SHOX2: variants seen among roughly 807,000 people sequenced by gnomAD.
SHOX2 encodes short stature homeobox protein 2.
SHOX2 carries 13 observed loss-of-function variants against 31.3 expected under a neutral mutation model. The ratio of observed to expected loss-of-function variants is 0.42; its 90% CI spans 0.27 to 0.66. The LOEUF (loss-of-function observed/expected upper bound fraction) is 0.66. SHOX2 is among the 30% of genes least tolerant of loss of function. The pLI is 0.27. For missense variants in SHOX2, 473 were observed against 443.0 expected (o/e 1.07, Z -0.61); for synonymous variants, 244 against 196.2 (o/e 1.24, Z -2.04).
chr3:158,106,418 AGC>A lies in SHOX2; in HGVS notation c.-396_-395del. 1 of 199,418 alleles carries A rather than the reference AGC, an allele frequency of 5.0e-6. No homozygotes were observed. The highest frequency in any genetic ancestry group is 1.0e-5 in the Non-Finnish European group (1 of 99,710). 12.4% of individuals were successfully genotyped at this position (199,418 alleles called of 1,614,324 possible). A position where few individuals can be genotyped will look rare whatever the true frequency, so the allele number is the denominator to read the frequency against. ...TTCCTGCGGAGAGTTCAGATCTGAT[AGC>A]GACGCTGCGCTTGAAGTCCCACTAT... On this transcript the variant is annotated 5_prime_UTR_variant, in exon 1 of 5. Coordinates refer to ENST00000483851, the MANE Select transcript of SHOX2 (RefSeq NM_001163678.2).
Position 158,105,905 on chromosome 3 carries a change from C to T in SHOX2, c.120G>A (p.Pro40=). The T allele has an allele frequency of 6.3e-7, 1 of 1,590,330 alleles. No individual in the cohort carries two copies. The part of the protein sequence containing the change: ...ESGPLRGAKE[P]TGCTEAGRDD... ...CGCGGCCCGCCTCGGTGCAGCCGGT[C>T]GGCTCCTTGGCCCCGCGCAGCGGCC... Residue 40 remains proline (P), a synonymous_variant, in exon 1 of 5, where the codon CCG becomes CCA. Coordinates refer to ENST00000483851, the MANE Select transcript of SHOX2 (RefSeq NM_001163678.2).
At position 158,105,873 on chromosome 3, in the gene SHOX2, C is replaced by A; in HGVS notation, c.152G>T (p.Arg51Leu). Residue 51 changes from arginine (R) to leucine (L), a missense_variant, in exon 1 of 5, where the codon CGC becomes CTC. Physicochemically the swap from Arg to Leu is moderately radical, Grantham distance 102. Around this residue, in one of 3 missense-constraint regions of SHOX2, gnomAD observed 276 missense variants for 230.0 expected, o/e 1.20. Coordinates refer to ENST00000483851, the MANE Select transcript of SHOX2 (RefSeq NM_001163678.2). ...GGCCGCCCGGACTGCCGGGCTGCTG[C>A]GGTCGTCGCGGCCCGCCTCGGTGCA... ...TGCTEAGRDD[R>L]SSPAVRAAGG... 1.3e-6 allele frequency: 2 copies of A among 1,520,296 alleles called. No individual in the cohort carries two copies. Among genetic ancestry groups the A allele is most frequent in the Non-Finnish European group, 1.8e-6 (2 of 1,139,744 alleles). The allele number at this position is 1,520,296 out of a possible 1,614,324, so 94.2% of individuals were successfully genotyped here.
chr3:158,098,111 T>C lies in SHOX2; in HGVS notation c.876A>G (p.Ala292=). The part of the protein sequence containing the change: ...ASAASVVAAA[A]AAKTTSKNSS... The stretch of plus-strand genomic sequence containing the variant: ...AGTTCTTGCTGGTGGTCTTGGCGGC[T>C]GCTGCGGCCGCCACTACCGAGGCGG... The change falls in exon 5 of 5, where the codon GCA becomes GCG. Residue 292 remains alanine (A), a synonymous_variant. Coordinates refer to ENST00000483851, the MANE Select transcript of SHOX2 (RefSeq NM_001163678.2). 2 of 1,611,908 alleles carry C rather than the reference T, an allele frequency of 1.2e-6. No individual in the cohort carries two copies. Among genetic ancestry groups the C allele is most frequent in the South Asian group, 1.1e-5 (1 of 90,976 alleles).
chr3:158,101,382 C>CT (rs1713479338), intron 2 of SHOX2, among the ~76,000 whole-genome samples: 2 of 152,124 alleles, frequency 1.3e-5, no homozygotes, highest in Admixed American at 1.3e-4. Context: ...GGCTTCTTGC[C>CT]TTTTTTTCCC....
Position 158,097,805 on chromosome 3 carries a change from C to G in SHOX2, c.*222G>C. ...AATTCTAGGCCCTCGAGTAGGAAAACGGGCAGGAGCCACGGAGCCTGCGTG... is the reference window on the plus strand; with the variant it reads ...AATTCTAGGCCCTCGAGTAGGAAAAGGGGCAGGAGCCACGGAGCCTGCGTG... On this transcript the variant is annotated 3_prime_UTR_variant, in exon 5 of 5. Coordinates refer to ENST00000483851, the MANE Select transcript of SHOX2 (RefSeq NM_001163678.2). 1.6e-6 allele frequency: 1 copy of G among 618,836 alleles called. No homozygotes were observed. Among genetic ancestry groups the G allele is most frequent in the Non-Finnish European group, 2.8e-6 (1 of 360,656 alleles). The allele number at this position is 618,836 out of a possible 1,614,324, so 38.3% of individuals were successfully genotyped here.
Position 158,098,246 on chromosome 3 carries a change from G to A in SHOX2, c.741C>T (p.His247=). The A allele has an allele frequency of 6.2e-7, 1 of 1,613,912 alleles. No individual in the cohort carries two copies. The highest frequency in any genetic ancestry group is 8.5e-7 in the Non-Finnish European group (1 of 1,179,916). ...GGTGCGGATGCAGGTGGTGGTGCGCGTGCGCCACAGCGCTGTCCAGCTGCA... is the reference window on the plus strand; with the variant it reads ...GGTGCGGATGCAGGTGGTGGTGCGCATGCGCCACAGCGCTGTCCAGCTGCA... ...AQLQLDSAVA[H]AHHHLHPHLA... is the part of the protein sequence containing the mutation. The change falls in exon 5 of 5, where the codon CAC becomes CAT. Residue 247 remains histidine, a synonymous_variant. Coordinates refer to ENST00000483851, the MANE Select transcript of SHOX2 (RefSeq NM_001163678.2).
intron 1 of SHOX2, among the ~76,000 whole-genome samples, chr3:158,104,423 G>T (rs2108130516): frequency 6.6e-6 from 1 of 152,350 alleles, no homozygotes; most frequent in East Asian, 1.9e-4. Context: ...AAATATTGCC[G>T]TATTTTCTAG....
At position 158,098,170 on chromosome 3, in the gene SHOX2, G is replaced by A. The variant is rs769454867; in HGVS notation, c.817C>T (p.Pro273Ser). 1 of 1,613,454 alleles carries A rather than the reference G, an allele frequency of 6.2e-7. No individual in the cohort carries two copies. The highest frequency in any genetic ancestry group is 2.2e-5 in the East Asian group (1 of 44,874). ...GAATCCGCGGCCAGCGTGGCGAGCGGCAGTCCGAAGGGCGGTGCTGGGAAC... is the reference window on the plus strand; with the variant it reads ...GAATCCGCGGCCAGCGTGGCGAGCGACAGTCCGAAGGGCGGTGCTGGGAAC... ...MMFPAPPFGL[P>S]LATLAADSAS... Residue 273 changes from proline (P) to serine (S), a missense_variant, in exon 5 of 5, where the codon CCG becomes TCG. Pro to Ser is a moderately conservative substitution (Grantham distance 74). This residue lies in a region of SHOX2 where 182 missense variants were observed against 167.2 expected (regional missense o/e 1.09). Transcript: ENST00000483851.
Position 158,098,185 on chromosome 3 carries a change from G to T in SHOX2, c.802C>A (p.Pro268Thr). The T allele has an allele frequency of 6.2e-7, 1 of 1,613,822 alleles. No homozygotes were observed. The highest frequency in any genetic ancestry group is 8.5e-7 in the Non-Finnish European group (1 of 1,179,872). ...AHAPYMMFPAPPFGLPLATLA... is the reference protein window; with the variant it reads ...AHAPYMMFPATPFGLPLATLA... The stretch of plus-strand genomic sequence containing the variant: ...GTGGCGAGCGGCAGTCCGAAGGGCG[G>T]TGCTGGGAACATCATGTAGGGCGCG... The change falls in exon 5 of 5, where the codon CCG becomes ACG. Residue 268 changes from proline (P) to threonine (T), a missense_variant. By Grantham distance (38) the Pro-to-Thr change is conservative. Transcript: ENST00000483851.
In SHOX2 at chr3:158,105,839, G is replaced by T. The variant is rs1448153033; in HGVS notation, c.186C>A (p.Gly62=). 1.4e-6 allele frequency: 2 copies of T among 1,432,734 alleles called. No individual in the cohort carries two copies. The highest frequency in any genetic ancestry group is 3.3e-5 in the Admixed American group (1 of 29,970). 88.8% of individuals were successfully genotyped at this position (1,432,734 alleles called of 1,614,324 possible). A position where few individuals can be genotyped will look rare whatever the true frequency, so the allele number is the denominator to read the frequency against. Residue 62 remains glycine (G), a synonymous_variant, in exon 1 of 5, where the codon GGC becomes GGA. Coordinates refer to ENST00000483851, the MANE Select transcript of SHOX2 (RefSeq NM_001163678.2). ...SSPAVRAAGG[G]GGGGGGGGGG... Reference sequence around the variant, plus strand: ...CGCCGCCTCCGCCTCCTCCGCCGCCGCCTCCGCCGGCCGCCCGGACTGCCG... The same window carrying T: ...CGCCGCCTCCGCCTCCTCCGCCGCCTCCTCCGCCGGCCGCCCGGACTGCCG...
At chr3:158,102,149 C>A (rs1713531831) in intron 2 of SHOX2, among the ~76,000 whole-genome samples, 1 of 152,232 alleles carries the variant, frequency 6.6e-6, no homozygotes, top group Non-Finnish European at 1.5e-5. Context: ...CCGCTAACAG[C>A]AGACTGTAAA....
Position 158,105,658 on chromosome 3 carries a change from G to C in SHOX2, c.346+21C>G, listed in dbSNP as rs528073381. On this transcript the variant is annotated intron_variant, in intron 1 of 4. Coordinates refer to ENST00000483851, the MANE Select transcript of SHOX2 (RefSeq NM_001163678.2). The stretch of plus-strand genomic sequence containing the variant: ...GAAGGCGGGAAGGGGAACCGCTGCC[G>C]GGGGTCAGTCAGGTCGTTACCCTCC... The C allele has an allele frequency of 6.1e-4, 919 of 1,515,122 alleles. 11 individuals carry two copies. In the East Asian group the frequency reaches 9.5e-3, roughly 16 times the overall value. 93.9% of individuals were successfully genotyped at this position (1,515,122 alleles called of 1,614,324 possible). A position where few individuals can be genotyped will look rare whatever the true frequency, so the allele number is the denominator to read the frequency against.
At chr3:158,103,219 C>G (rs929943506) in intron 1 of SHOX2, 1 of 402,446 alleles carries the variant, frequency 2.5e-6, no homozygotes, top group Admixed American at 3.7e-5. Flanking sequence ...CAAATGGTTT[C>G]CACTCACTTT....
At chr3:158,100,805 T>C (rs1713446530) in intron 2 of SHOX2, among the ~76,000 whole-genome samples, 1 of 152,260 alleles carries the variant, frequency 6.6e-6, no homozygotes, top group Admixed American at 6.5e-5. Context: ...CAAAGAAGTT[T>C]AGAATTTCTC....
chr3:158,100,197 A>G, intron 3 of SHOX2, 57 bp downstream of exon 3: 6 of 1,350,426 alleles, frequency 4.4e-6, no homozygotes, highest in Non-Finnish European at 6.2e-6. Flanking sequence ...TAATAGTAAT[A>G]TTCACTACTT....
chr3:158,105,430 G>A lies in SHOX2; in HGVS notation c.346+249C>T, dbSNP rs900625504. The A allele has an allele frequency of 5.5e-5, 33 of 594,976 alleles. No individual in the cohort carries two copies. The South Asian group carries it at 6.5e-4, about 12-fold the overall frequency. The allele number at this position is 594,976 out of a possible 1,614,324, so 36.9% of individuals were successfully genotyped here. On this transcript the variant is annotated intron_variant, in intron 1 of 4. Transcript: ENST00000483851. ...CATTTCGGTGGAATGGGAACATCTG[G>A]GAAGGGCGCGCACAAACCCCACACG...
At chr3:158,103,152 C>T (rs911390497) in intron 1 of SHOX2, 17 of 536,910 alleles carry the variant, frequency 3.2e-5, no homozygotes, top group Non-Finnish European at 5.4e-5. Context: ...CACAAACGTA[C>T]CTCGACTCAC....
chr3:158,101,963 A>AT (rs1444866090), intron 2 of SHOX2, among the ~76,000 whole-genome samples: 29 of 152,200 alleles, frequency 1.9e-4, no homozygotes, highest in African/African-American at 6.7e-4. Flanking sequence ...TCCTAACTTC[A>AT]TTGGGTATGG....
rs1553753390 is a variant in SHOX2 at position 158,096,931 on chromosome 3, T to TATATATATA, written c.*1095_*1096insTATATATAT. ...ATATATATATATATATATATATATA[T>TATATATATA]GGCAAATATATGATATATATATATG... On this transcript the variant is annotated 3_prime_UTR_variant, in exon 5 of 5. Coordinates refer to ENST00000483851, the MANE Select transcript of SHOX2 (RefSeq NM_001163678.2). The TATATATATA allele has an allele frequency of 1.2e-5, 1 of 80,602 alleles. No homozygotes were observed. The highest frequency in any genetic ancestry group is 2.7e-5 in the Non-Finnish European group (1 of 37,474). 5.0% of individuals were successfully genotyped at this position (80,602 alleles called of 1,614,324 possible).
Sources: allele counts gnomAD v4.1 joint callset (sites outside exome capture counted in the v4.1 genomes callset), GRCh38; gene constraint gnomAD v4.1.1; regional missense constraint gnomAD v4.1.1; transcripts MANE v1.5; gene names NCBI Gene and HGNC (gene_info 2026-07-23, HGNC 2026-07-21).